Variants in USP45 observed in about 807,000 individuals in gnomAD.
The protein encoded by USP45 is ubiquitin specific peptidase 45.
A neutral mutation model predicts 95.8 loss-of-function variants in USP45; 89 were observed. That is an observed-to-expected ratio of 0.93 (90% confidence interval 0.78 to 1.11). USP45 has a LOEUF of 1.11. Among genes scored for constraint, USP45 ranks in the 50% least tolerant of loss-of-function variants. The pLI, the probability that USP45 is intolerant of heterozygous loss-of-function variation, is 0.00. For synonymous variants in USP45, 281 were observed against 316.2 expected (o/e 0.89, Z 1.18); for missense variants, 898 against 942.5 (o/e 0.95, Z 0.62).
rs1781923082 is a variant in USP45 at position 99,443,629 on chromosome 6, C to T, written c.2009G>A (p.Arg670Lys). 1.2e-6 allele frequency: 2 copies of T among 1,608,418 alleles called. No individual in the cohort carries two copies. The highest frequency in any genetic ancestry group is 1.7e-6 in the Non-Finnish European group (2 of 1,176,872). Reference protein sequence around the residue: ...KKVEGVYTNARKQLLISAVPA... With the variant: ...KKVEGVYTNAKKQLLISAVPA... ...AACAGCAGAAATGAGCAATTGCTTC[C>T]TGGCATTAGTATAAACTCCTTCTAC... The change falls in exon 15 of 18, where the codon AGG (arginine) becomes AAG (lysine). Residue 670 changes from arginine to lysine, a missense_variant. By Grantham distance (26) the Arg-to-Lys change is conservative. Coordinates refer to ENST00000500704, the MANE Select transcript of USP45 (RefSeq NM_001346022.3).
chr6:99,441,660 C>T (rs1781552128), intron 15 of USP45, among the ~76,000 whole-genome samples: 2 of 152,290 alleles, frequency 1.3e-5, no homozygotes, highest in African/African-American at 2.4e-5. Flanking sequence ...TCCTTATCAA[C>T]ACTACTACAT....
chr6:99,474,500 AT>A (rs978257237), intron 9 of USP45, among the ~76,000 whole-genome samples: 1 of 152,090 alleles, frequency 6.6e-6, no homozygotes, highest in African/African-American at 2.4e-5. Flanking sequence ...ATCTGGCAGA[AT>A]TTTTTTTAAA....
intron 13 of USP45, 95 bp from the exon 14 acceptor site, chr6:99,446,558 C>A: frequency 8.7e-7 from 1 of 1,149,586 alleles, no homozygotes; most frequent in Non-Finnish European, 1.2e-6. Context: ...TATTAAATAC[C>A]ATTTCTCTCA....
chr6:99,460,134 T>C (rs12193170), intron 13 of USP45, among the ~76,000 whole-genome samples: 68,944 of 152,018 alleles, frequency 0.45, 16,541 homozygotes, highest in Non-Finnish European at 0.53. Context: ...CTTTTTTCCT[T>C]ACCTGATGCT....
chr6:99,469,932 A>G (rs188714568), intron 9 of USP45, among the ~76,000 whole-genome samples: 1 of 152,314 alleles, frequency 6.6e-6, no homozygotes, highest in Non-Finnish European at 1.5e-5. Context: ...TTAAGTGAAA[A>G]AAGACAAAGT....
chr6:99,456,901 T>C (rs797021087), intron 13 of USP45, among the ~76,000 whole-genome samples: 9 of 152,322 alleles, frequency 5.9e-5, no homozygotes, highest in African/African-American at 1.9e-4. Flanking sequence ...GGGAGAAATA[T>C]CGCTGAATTC....
Position 99,457,854 on chromosome 6 carries a change from G to A in USP45, c.1308+6750C>T, listed in dbSNP as rs1785436770. On this transcript the variant is annotated intron_variant, in intron 13 of 17. Transcript: ENST00000500704. ...AATAAACAGGTGATTCTCATCATCA[G>A]CTGGTCTTAGGAACTTTTGAATGAG... Among the ~76,000 whole-genome samples, 3 of 152,296 alleles carry A rather than the reference G, an allele frequency of 2.0e-5. No individual in the cohort carries two copies. The South Asian group carries it at 6.2e-4, about 32-fold the overall frequency.
intron 7 of USP45, among the ~76,000 whole-genome samples, chr6:99,484,073 C>T (rs1360726462): frequency 7.7e-6 from 1 of 129,866 alleles, no homozygotes; most frequent in Non-Finnish European, 1.6e-5. Flanking sequence ...AAGGCTCAAG[C>T]AATCCTCCCG....
chr6:99,511,843 GTGTATATA>G (rs1241782641), intron 1 of USP45, among the ~76,000 whole-genome samples: 59 of 4,988 alleles, frequency 0.012, 1 homozygote, highest in African/African-American at 0.076. Context: ...ATGTGAGTGT[GTGTATATA>G]TATATATATA....
At chr6:99,470,679 T>TGA (rs1228724737) in intron 9 of USP45, among the ~76,000 whole-genome samples, 2 of 152,192 alleles carry the variant, frequency 1.3e-5, no homozygotes, top group South Asian at 2.1e-4. Flanking sequence ...AAAGTTGATA[T>TGA]AATTCAGACA....
chr6:99,450,140 C>T (rs1783516642), intron 13 of USP45, among the ~76,000 whole-genome samples: 1 of 151,888 alleles, frequency 6.6e-6, no homozygotes, highest in Admixed American at 6.6e-5. Flanking sequence ...CAAGAGCAAA[C>T]AAATTCAAAA....
chr6:99,495,355 T>C (rs1279488581), intron 5 of USP45, among the ~76,000 whole-genome samples: 2 of 152,236 alleles, frequency 1.3e-5, no homozygotes. Context: ...AAAGGTGTAT[T>C]TGTGAATTGC....
At chr6:99,450,639 A>G (rs59128450) in intron 13 of USP45, among the ~76,000 whole-genome samples, 177 of 152,350 alleles carry the variant, frequency 1.2e-3, no homozygotes, top group African/African-American at 4.2e-3. Context: ...TTCTGAAACT[A>G]TTCTAATCAA....
At chr6:99,437,141 A>G (rs1460060913) in intron 17 of USP45, 105 bp downstream of exon 17, 2 of 1,192,534 alleles carry the variant, frequency 1.7e-6, no homozygotes, top group Non-Finnish European at 2.4e-6. Flanking sequence ...AAAGCAAGCA[A>G]GCAAATCCAC....
intron 1 of USP45, among the ~76,000 whole-genome samples, chr6:99,514,175 A>C (rs1800576629): frequency 6.6e-6 from 1 of 152,220 alleles, no homozygotes; most frequent in Non-Finnish European, 1.5e-5. Flanking sequence ...CAGTATGGAT[A>C]TAAAGGCTCA....
intron 12 of USP45, 73 bp from the exon 13 acceptor site, chr6:99,464,820 T>C (rs1787516211): frequency 6.9e-7 from 1 of 1,454,082 alleles, no homozygotes; most frequent in African/African-American, 1.4e-5. Context: ...TCTTAAAATT[T>C]TTGACTGACT....
rs151309163 is a variant in USP45 at position 99,510,339 on chromosome 6, C to T, written c.-10-109G>A. 5.0e-4 allele frequency: 337 copies of T among 680,084 alleles called. 1 individual carries two copies. The highest frequency in any genetic ancestry group is 4.9e-3 in the African/African-American group (271 of 55,148). 42.1% of individuals were successfully genotyped at this position (680,084 alleles called of 1,614,324 possible). A position where few individuals can be genotyped will look rare whatever the true frequency, so the allele number is the denominator to read the frequency against. ...GAAATGACTTCAATTTCAACTGGTC[C>T]GGGAAATCAACAGAGGAAGAAGAGG... is the stretch of plus-strand genomic sequence containing the variant. On this transcript the variant is annotated intron_variant, in intron 1 of 17. Coordinates refer to ENST00000500704, the MANE Select transcript of USP45 (RefSeq NM_001346022.3).
chr6:99,452,330 C>G (rs1784068309), intron 13 of USP45, among the ~76,000 whole-genome samples: 1 of 151,914 alleles, frequency 6.6e-6, no homozygotes, highest in Non-Finnish European at 1.5e-5. Flanking sequence ...AACAAATTTA[C>G]AAGAAAAAAA....
chr6:99,459,811 T>C (rs1237475054), intron 13 of USP45, among the ~76,000 whole-genome samples: 1 of 152,158 alleles, frequency 6.6e-6, no homozygotes, highest in Non-Finnish European at 1.5e-5. Flanking sequence ...TGATGACCTA[T>C]TTTTGTATTT....
Sources: allele counts gnomAD v4.1 joint callset (sites outside exome capture counted in the v4.1 genomes callset), GRCh38; gene constraint gnomAD v4.1.1; transcripts MANE v1.5; gene names NCBI Gene and HGNC (gene_info 2026-07-23, HGNC 2026-07-21).